SHOC1: variants seen among roughly 807,000 people sequenced by gnomAD.
SHOC1 encodes shortage in chiasmata 1.
Under a neutral mutation model 179.2 loss-of-function variants are expected in SHOC1, and 136 were observed. That is an observed-to-expected ratio of 0.76 (90% CI 0.66 to 0.87). SHOC1 has a LOEUF of 0.87. Ranked by LOEUF, SHOC1 falls within the 40% of genes least tolerant of loss-of-function variation. The pLI is 0.00. For synonymous variants in SHOC1, 489 were observed against 586.6 expected, an observed-to-expected ratio of 0.83 and a Z score of 2.41; for missense variants, 1,538 against 1,700.8, an observed-to-expected ratio of 0.90 and a Z score of 1.68.
chr9:111,757,195 T>A (rs958564564), intron 7 of SHOC1, among the ~76,000 whole-genome samples: 1 of 152,164 alleles, frequency 6.6e-6, no homozygotes, highest in Non-Finnish European at 1.5e-5. Context: ...CTCCGCCTCC[T>A]GGGTTCACGC....
Position 111,778,290 on chromosome 9 carries a change from T to C in SHOC1, c.258-2315A>G, listed in dbSNP as rs1213518295. On this transcript the variant is annotated intron_variant, in intron 4 of 27. Transcript: ENST00000682961. ...ATCATTCTTTTTGAGTAAGTTCATC[T>C]ACTCCTATTCATTCATTTGCAAACT... Among the ~76,000 whole-genome samples the C allele has an allele frequency of 3.3e-5, 5 of 152,256 alleles. No homozygotes were observed. The East Asian group carries it at 7.7e-4, about 23-fold the overall frequency.
chr9:111,708,233 C>T (rs889414909), intron 18 of SHOC1, among the ~76,000 whole-genome samples: 2 of 150,908 alleles, frequency 1.3e-5, no homozygotes, highest in South Asian at 2.1e-4. Flanking sequence ...GACAGAGTCT[C>T]GCTCTGTCGC....
At chr9:111,766,945 T>C (rs550616783) in intron 5 of SHOC1, among the ~76,000 whole-genome samples, 11 of 152,164 alleles carry the variant, frequency 7.2e-5, no homozygotes, top group Non-Finnish European at 1.6e-4. Flanking sequence ...ATTTCTCTGA[T>C]GATTAGTGAT....
intron 5 of SHOC1, among the ~76,000 whole-genome samples, chr9:111,760,957 T>G (rs1287389824): frequency 6.6e-6 from 1 of 151,466 alleles, no homozygotes; most frequent in Non-Finnish European, 1.5e-5. Context: ...AGATTATTTA[T>G]ATATTATAAT....
chr9:111,752,266 G>A (rs779687356), intron 8 of SHOC1, among the ~76,000 whole-genome samples: 1 of 152,252 alleles, frequency 6.6e-6, no homozygotes, highest in Middle Eastern at 3.4e-3. Flanking sequence ...AGCAACAGAG[G>A]AGGAGCCCCA....
At chr9:111,698,102 G>A (rs571290584) in intron 24 of SHOC1, among the ~76,000 whole-genome samples, 4 of 152,292 alleles carry the variant, frequency 2.6e-5, no homozygotes, top group African/African-American at 9.6e-5. Flanking sequence ...CCCTTTGTCA[G>A]ATGGGTAGAT....
At chr9:111,733,057 T>C (rs1192657375) in intron 12 of SHOC1, among the ~76,000 whole-genome samples, 1 of 152,126 alleles carries the variant, frequency 6.6e-6, no homozygotes, top group Non-Finnish European at 1.5e-5. Flanking sequence ...TGGCTCATTC[T>C]AATATGTGTC....
intron 3 of SHOC1, among the ~76,000 whole-genome samples, chr9:111,785,165 A>G (rs867351315): frequency 6.6e-6 from 1 of 151,964 alleles, no homozygotes; most frequent in African/African-American, 2.4e-5. Flanking sequence ...CATATTTTTC[A>G]TGGTTGTTGC....
chr9:111,706,321 T>C (rs190957665), intron 20 of SHOC1, among the ~76,000 whole-genome samples: 167 of 152,248 alleles, frequency 1.1e-3, no homozygotes, highest in African/African-American at 3.9e-3. Flanking sequence ...TGTGCTATTA[T>C]AAGTAAAATT....
chr9:111,793,377 CTA>C lies in SHOC1; in HGVS notation c.-37+1521_-37+1522del, dbSNP rs755602957. ...TCTTTTCTTGTGAAGCCTAGTATTT[CTA>C]TCACTCTCACCAATTACCTTAAGAA... On this transcript the variant is annotated intron_variant, in intron 1 of 27. Coordinates refer to ENST00000682961, the MANE Select transcript of SHOC1 (RefSeq NM_001378211.1). Among the ~76,000 whole-genome samples, 10 of 152,216 alleles carry C rather than the reference CTA, an allele frequency of 6.6e-5. No homozygotes were observed. The East Asian group carries it at 7.7e-4, about 12-fold the overall frequency.
At position 111,785,912 on chromosome 9, in the gene SHOC1, C is replaced by A; in HGVS notation, c.169G>T (p.Val57Phe). The part of the protein sequence containing the change: ...DNKFRRPWTR[V>F]SAVSVPGMTD... ...TTTTAAGAAATGAAAACAAACATAC[C>A]TCTCGTCCATGGCCTCCTAAATTTA... Residue 57 changes from valine to phenylalanine, a missense_variant and splice_region_variant, in exon 3 of 28, where the codon GTC becomes TTC. Transcript: ENST00000682961. 6.8e-7 allele frequency: 1 copy of A among 1,462,368 alleles called. No homozygotes were observed. The allele number at this position is 1,462,368 out of a possible 1,614,324, so 90.6% of individuals were successfully genotyped here.
In SHOC1 at chr9:111,750,869, T is replaced by G. The variant is rs565807094; in HGVS notation, c.863-2670A>C. On this transcript the variant is annotated intron_variant, in intron 8 of 27. Transcript: ENST00000682961. ...TTAATTAGATCCCATTTGTCAATTTTTGCTTTTATTGCAATTGCTTTTGGC... is the reference window on the plus strand; with the variant it reads ...TTAATTAGATCCCATTTGTCAATTTGTGCTTTTATTGCAATTGCTTTTGGC... 5.9e-5 allele frequency among the ~76,000 whole-genome samples: 9 copies of G among 152,346 alleles called. No individual in the cohort carries two copies. The East Asian group carries it at 1.7e-3, about 29-fold the overall frequency.
At chr9:111,721,049 T>C (rs1833023357) in intron 15 of SHOC1, among the ~76,000 whole-genome samples, 1 of 152,236 alleles carries the variant, frequency 6.6e-6, no homozygotes, top group South Asian at 2.1e-4. Context: ...TATGATGGGA[T>C]GCAACTAAGT....
chr9:111,758,677 G>T lies in SHOC1; in HGVS notation c.596+18C>A. ...ACCTCTTAAAAATATTTACAGCATT[G>T]GTCAATTAAGTAAGTACCTGGAAAA... On this transcript the variant is annotated intron_variant, in intron 6 of 27. Coordinates refer to ENST00000682961, the MANE Select transcript of SHOC1 (RefSeq NM_001378211.1). The T allele has an allele frequency of 6.4e-7, 1 of 1,553,122 alleles. No individual in the cohort carries two copies. The highest frequency in any genetic ancestry group is 8.7e-7 in the Non-Finnish European group (1 of 1,154,966).
chr9:111,785,682 C>A (rs1313354974), intron 3 of SHOC1, among the ~76,000 whole-genome samples: 1 of 152,174 alleles, frequency 6.6e-6, no homozygotes, highest in East Asian at 1.9e-4. Context: ...TCTTCATCAT[C>A]TACATATCTT....
chr9:111,765,576 C>A (rs1206366075), intron 5 of SHOC1, among the ~76,000 whole-genome samples: 1 of 151,988 alleles, frequency 6.6e-6, no homozygotes, highest in Non-Finnish European at 1.5e-5. Flanking sequence ...GGCGACAGGG[C>A]AAGACTCTGA....
At chr9:111,763,277 GA>G (rs1206685809) in intron 5 of SHOC1, among the ~76,000 whole-genome samples, 1 of 151,910 alleles carries the variant, frequency 6.6e-6, no homozygotes, top group Non-Finnish European at 1.5e-5. Context: ...AATAATTCTA[GA>G]AAATATCTTA....
chr9:111,718,275 T>G lies in SHOC1; in HGVS notation c.2145A>C (p.Glu715Asp). Residue 715 changes from glutamate (E) to aspartate (D), a missense_variant, in exon 16 of 28, where the codon GAA becomes GAC. Transcript: ENST00000682961. ...SDAVRQGTID[E>D]REMTFKHAAL... Reference sequence around the variant, plus strand: ...CGGCATGCTTGAAAGTCATTTCTCTTTCATCAATTGTACCTAAGTAAGCAA... The same window carrying G: ...CGGCATGCTTGAAAGTCATTTCTCTGTCATCAATTGTACCTAAGTAAGCAA... 6.3e-7 allele frequency: 1 copy of G among 1,592,890 alleles called. No individual in the cohort carries two copies. The highest frequency in any genetic ancestry group is 8.5e-7 in the Non-Finnish European group (1 of 1,172,818).
At chr9:111,749,359 A>G (rs539781477) in intron 8 of SHOC1, among the ~76,000 whole-genome samples, 8 of 152,278 alleles carry the variant, frequency 5.3e-5, no homozygotes, top group African/African-American at 1.7e-4. Context: ...AAGCTTAACC[A>G]ATTTATATTT....
Sources: gnomAD v4.1 joint callset for allele counts (sites outside exome capture counted in the v4.1 genomes callset) on GRCh38, gnomAD v4.1.1 for gene constraint, MANE v1.5 for transcripts, NCBI Gene and HGNC (gene_info 2026-07-23, HGNC 2026-07-21) for gene names.